The following PTPRC variants were observed in gnomAD, a reference collection of about 807,000 sequenced individuals.
PTPRC encodes protein tyrosine phosphatase receptor type C, also known as receptor-type tyrosine-protein phosphatase C.
PTPRC carries 44 observed loss-of-function variants against 155.9 expected under a neutral mutation model. The observed-to-expected ratio is 0.28, with a 90% CI of 0.22 to 0.36. PTPRC has a LOEUF of 0.36. Ranked by LOEUF, PTPRC falls within the 10% of genes least tolerant of loss-of-function variation. The pLI is 1.00. For missense variants in PTPRC, 1,401 were observed against 1,564.6 expected, an observed-to-expected ratio of 0.90 and a Z score of 1.76; for synonymous variants, 525 against 533.1, an observed-to-expected ratio of 0.98 and a Z score of 0.21.
intron 15 of PTPRC, among the ~76,000 whole-genome samples, chr1:198,723,112 C>CATAT (rs3033891): frequency 0.033 from 4,815 of 143,980 alleles, 81 homozygotes; most frequent in South Asian, 0.081. Flanking sequence ...TAGTTTCCTT[C>CATAT]ATATATATAT....
At chr1:198,747,991 A>C in intron 26 of PTPRC, 118 bp from the exon 27 acceptor site, 2 of 1,426,260 alleles carry the variant, frequency 1.4e-6, no homozygotes, top group Non-Finnish European at 1.9e-6. Flanking sequence ...GCCTATAGGG[A>C]GCATATGCAA....
chr1:198,639,033 C>T (rs141336698), upstream of PTPRC: 199 of 498,150 alleles, frequency 4.0e-4, no homozygotes, highest in African/African-American at 3.3e-3. Flanking sequence ...TTAGTAAAAC[C>T]GAATCTGACA....
At chr1:198,701,606 T>A (rs1666466899) in intron 5 of PTPRC, among the ~76,000 whole-genome samples, 1 of 152,216 alleles carries the variant, frequency 6.6e-6, no homozygotes, top group African/African-American at 2.4e-5. Flanking sequence ...CATTAGGTAA[T>A]TTGAAGCCTG....
At chr1:198,689,010 C>G (rs1349555806) in intron 2 of PTPRC, among the ~76,000 whole-genome samples, 1 of 151,936 alleles carries the variant, frequency 6.6e-6, no homozygotes. Flanking sequence ...TAGTATAGTG[C>G]CTGGCACCCA....
chr1:198,667,764 TAAAAG>T (rs1664404624), intron 2 of PTPRC, among the ~76,000 whole-genome samples: 1 of 152,178 alleles, frequency 6.6e-6, no homozygotes. Context: ...CATGGAAACA[TAAAAG>T]AAGGTATCAG....
At position 198,648,982 on chromosome 1, in the gene PTPRC, AAC is replaced by A. The variant is rs749213468; in HGVS notation, c.73+9645_73+9646del. On this transcript the variant is annotated intron_variant, in intron 2 of 32. Coordinates refer to ENST00000442510, the MANE Select transcript of PTPRC (RefSeq NM_002838.5). The stretch of plus-strand genomic sequence containing the variant: ...TTTGTTAAACACTTTGATCATGGAA[AAC>A]ACATAAGGTTCTCATCTTATTCCAG... 1.4e-4 allele frequency among the ~76,000 whole-genome samples: 22 copies of A among 151,970 alleles called. No individual in the cohort carries two copies. In the East Asian group the frequency reaches 3.7e-3, roughly 26 times the overall value.
chr1:198,730,963 C>T (rs969763583), intron 17 of PTPRC, among the ~76,000 whole-genome samples: 6 of 152,202 alleles, frequency 3.9e-5, no homozygotes, highest in East Asian at 1.9e-4. Flanking sequence ...TTTACATATG[C>T]GACAGCTTAA....
In PTPRC at chr1:198,748,167, A is replaced by AAAG. The variant is rs755878222; in HGVS notation, c.2907_2909dup (p.Lys969_Ser970insArg). ...CACATTGGAAATCAAGAAGAAAATA[A>AAAG]AAGTAAAAACAGGAATTCTAATGTC... On this transcript the variant is annotated inframe_insertion, in exon 27 of 33. Coordinates refer to ENST00000442510, the MANE Select transcript of PTPRC (RefSeq NM_002838.5). 8 of 1,608,612 alleles carry AAAG rather than the reference A, an allele frequency of 5.0e-6. No individual in the cohort carries two copies. Among genetic ancestry groups the AAAG allele is most frequent in the Non-Finnish European group, 6.8e-6 (8 of 1,177,706 alleles).
intron 31 of PTPRC, among the ~76,000 whole-genome samples, chr1:198,753,910 T>C (rs984436541): frequency 5.3e-5 from 8 of 152,092 alleles, no homozygotes; most frequent in Non-Finnish European, 1.0e-4. Context: ...TACATCAGCT[T>C]TCTCTTCTCC....
intron 23 of PTPRC, among the ~76,000 whole-genome samples, chr1:198,739,112 C>T (rs988350446): frequency 6.6e-6 from 1 of 151,096 alleles, no homozygotes; most frequent in Non-Finnish European, 1.5e-5. Context: ...AAACAGACCA[C>T]CAGAGAAAAT....
At chr1:198,666,323 C>G (rs993387905) in intron 2 of PTPRC, among the ~76,000 whole-genome samples, 1 of 150,710 alleles carries the variant, frequency 6.6e-6, no homozygotes, top group African/African-American at 2.4e-5. Context: ...AATTAGACAA[C>G]CATGTGTATG....
At chr1:198,731,510 G>T in intron 17 of PTPRC, 107 bp from the exon 18 acceptor site, 1 of 808,744 alleles carries the variant, frequency 1.2e-6, no homozygotes. Context: ...ATGTGTACGA[G>T]GAGGAAAGAA....
At position 198,733,122 on chromosome 1, in the gene PTPRC, T is replaced by G. The variant is rs538682710; in HGVS notation, c.2142+566T>G. Among the ~76,000 whole-genome samples the G allele has an allele frequency of 2.0e-5, 3 of 151,924 alleles. No individual in the cohort carries two copies. In the South Asian group the frequency reaches 6.2e-4, roughly 31 times the overall value. The stretch of plus-strand genomic sequence containing the variant: ...TAATTTATTTAAAATATTTTAAAAT[T>G]TAATTTATTATACAAATGTTAATTA... On this transcript the variant is annotated intron_variant, in intron 20 of 32. Transcript: ENST00000442510.
At chr1:198,728,587 A>C in intron 16 of PTPRC, 139 bp downstream of exon 16, 1 of 983,120 alleles carries the variant, frequency 1.0e-6, no homozygotes, top group Non-Finnish European at 1.4e-6. Context: ...TTCATGACAC[A>C]ACTTTTAATC....
chr1:198,692,634 CACA>C, intron 3 of PTPRC: 1 of 993,604 alleles, frequency 1.0e-6, no homozygotes, highest in African/African-American at 1.7e-5. Flanking sequence ...CAGTAAATCA[CACA>C]ACAGGTTTCT....
rs375608198 is a variant in PTPRC, at chr1:198,716,711, C to T, written c.1321C>T (p.Leu441=). 159 of 1,611,972 alleles carry T rather than the reference C, an allele frequency of 9.9e-5. No individual in the cohort carries two copies. Among genetic ancestry groups the T allele is most frequent in the Admixed American group, 2.0e-4 (12 of 59,982 alleles). Residue 441 remains leucine (L), a synonymous_variant, in exon 13 of 33, where the codon CTG becomes TTG. Coordinates refer to ENST00000442510, the MANE Select transcript of PTPRC (RefSeq NM_002838.5). ...EKDCLNLDKN[L]IKYDLQNLKP... ...AGATTGCCTCAATCTGGATAAAAAC[C>T]TGATCAAATATGATTTGCAAAATTT...
At chr1:198,695,470 A>C (rs939108639) in intron 3 of PTPRC, among the ~76,000 whole-genome samples, 3 of 149,106 alleles carry the variant, frequency 2.0e-5, no homozygotes, top group Non-Finnish European at 4.5e-5. Flanking sequence ...CAACCTCCAG[A>C]GATCACATGA....
At chr1:198,703,539 G>GT in intron 7 of PTPRC, 167 bp downstream of exon 7, 1 of 1,023,388 alleles carries the variant, frequency 9.8e-7, no homozygotes, top group Non-Finnish European at 1.5e-6. Context: ...CTGCTTAGCA[G>GT]TGCAACAGCT....
chr1:198,651,504 T>C (rs1663250247), intron 2 of PTPRC, among the ~76,000 whole-genome samples: 1 of 151,728 alleles, frequency 6.6e-6, no homozygotes, highest in Non-Finnish European at 1.5e-5. Flanking sequence ...CTGTGTGTAA[T>C]TTTGATCTCA....
Sources: allele counts gnomAD v4.1 joint callset (sites outside exome capture counted in the v4.1 genomes callset), GRCh38; gene constraint gnomAD v4.1.1; transcripts MANE v1.5; gene names NCBI Gene and HGNC (gene_info 2026-07-23, HGNC 2026-07-21).